The following DLGAP2 variants were observed in gnomAD, a reference collection of about 807,000 sequenced individuals.
DLGAP2 encodes DLG associated protein 2, also known as disks large-associated protein 2.
DLGAP2 carries 26 observed loss-of-function variants against 100.3 expected under a neutral mutation model. The ratio of observed to expected loss-of-function variants is 0.26; its 90% CI spans 0.19 to 0.36. The LOEUF (loss-of-function observed/expected upper bound fraction) is 0.36. Ranked by LOEUF, DLGAP2 falls within the 10% of genes least tolerant of loss-of-function variation. The pLI is 1.00. For synonymous variants in DLGAP2, 886 were observed against 630.1 expected, an observed-to-expected ratio of 1.41 and a Z score of -6.08; for missense variants, 1,858 against 1,453.2, an observed-to-expected ratio of 1.28 and a Z score of -4.53.
chr8:1,173,703 C>T (rs1056754161), intron 2 of DLGAP2, among the ~76,000 whole-genome samples: 26 of 152,194 alleles, frequency 1.7e-4, no homozygotes, highest in African/African-American at 5.8e-4. Context: ...GATATAATCT[C>T]CTGGTGCGCC....
intron 3 of DLGAP2, among the ~76,000 whole-genome samples, chr8:1,372,203 T>A (rs1229047558): frequency 6.6e-6 from 1 of 151,988 alleles, no homozygotes; most frequent in Non-Finnish European, 1.5e-5. Flanking sequence ...CAGGTCACCG[T>A]GCTGCCAACG....
chr8:851,104 G>A (rs548741940), intron 1 of DLGAP2, among the ~76,000 whole-genome samples: 73 of 152,328 alleles, frequency 4.8e-4, no homozygotes, highest in African/African-American at 1.8e-3. Flanking sequence ...TGCCATAGGT[G>A]TTTGCTGTTG....
At chr8:953,057 A>G (rs902328849) in intron 2 of DLGAP2, among the ~76,000 whole-genome samples, 2 of 152,248 alleles carry the variant, frequency 1.3e-5, no homozygotes, top group Admixed American at 1.3e-4. Context: ...CAAAATGCTG[A>G]CAGATCCTAT....
At chr8:1,518,325 G>C (rs1460095479) in intron 4 of DLGAP2, among the ~76,000 whole-genome samples, 3 of 152,138 alleles carry the variant, frequency 2.0e-5, no homozygotes, top group African/African-American at 7.2e-5. Flanking sequence ...GCTCTTATGG[G>C]TTTTGTTGTT....
At chr8:1,456,298 C>G (rs775664630) in intron 3 of DLGAP2, among the ~76,000 whole-genome samples, 5 of 152,196 alleles carry the variant, frequency 3.3e-5, no homozygotes, top group Non-Finnish European at 7.3e-5. Context: ...TCTACACACA[C>G]GCTTCTCCCA....
chr8:1,026,920 T>A (rs1431155265), intron 2 of DLGAP2, among the ~76,000 whole-genome samples: 1 of 152,256 alleles, frequency 6.6e-6, no homozygotes, highest in Non-Finnish European at 1.5e-5. Context: ...ACATTGGGAA[T>A]ATGTATCTTT....
intron 3 of DLGAP2, chr8:1,379,603 C>G (rs1391305919): frequency 6.6e-6 from 1 of 152,230 alleles, no homozygotes; most frequent in African/African-American, 2.4e-5. Flanking sequence ...AACCAGGTCC[C>G]TGGAAGTCTT....
At chr8:1,225,092 A>G (rs1479963573) in intron 2 of DLGAP2, among the ~76,000 whole-genome samples, 1 of 152,226 alleles carries the variant, frequency 6.6e-6, no homozygotes, top group African/African-American at 2.4e-5. Context: ...CTGTGTGCCC[A>G]AAAGAGCTGG....
At chr8:1,116,856 C>T (rs933360173) in intron 2 of DLGAP2, among the ~76,000 whole-genome samples, 1 of 152,032 alleles carries the variant, frequency 6.6e-6, no homozygotes, top group Non-Finnish European at 1.5e-5. Context: ...ACACGAAGAA[C>T]TGAATAAAAA....
chr8:1,281,379 T>C (rs1309961580), intron 3 of DLGAP2, among the ~76,000 whole-genome samples: 1 of 152,168 alleles, frequency 6.6e-6, no homozygotes, highest in Admixed American at 6.5e-5. Flanking sequence ...TGACCTTGAT[T>C]TGATTCCTAG....
intron 3 of DLGAP2, among the ~76,000 whole-genome samples, chr8:1,276,408 T>G (rs1799697942): frequency 6.6e-6 from 1 of 152,130 alleles, no homozygotes; most frequent in South Asian, 2.1e-4. Context: ...GGCCGCACGT[T>G]GGGAAACCCA....
chr8:779,459 C>A (rs996349735), intron 1 of DLGAP2, among the ~76,000 whole-genome samples: 2 of 138,322 alleles, frequency 1.4e-5, no homozygotes, highest in Non-Finnish European at 1.6e-5. Context: ...CTTTTCCCTT[C>A]TTTCTTTCTT....
At chr8:846,328 T>A (rs1797071071) in intron 1 of DLGAP2, among the ~76,000 whole-genome samples, 1 of 152,230 alleles carries the variant, frequency 6.6e-6, no homozygotes, top group Non-Finnish European at 1.5e-5. Flanking sequence ...ACCACAATTC[T>A]ACTCTCTACT....
At chr8:1,637,035 C>T (rs1797782857) in intron 8 of DLGAP2, among the ~76,000 whole-genome samples, 1 of 152,212 alleles carries the variant, frequency 6.6e-6, no homozygotes, top group South Asian at 2.1e-4. Flanking sequence ...AGGTGCACCC[C>T]AGAGGAGGAA....
In DLGAP2 at chr8:1,548,908, T is replaced by G; in HGVS notation, c.455T>G (p.Leu152Arg). 1.3e-6 allele frequency: 2 copies of G among 1,597,894 alleles called. No individual in the cohort carries two copies. Among genetic ancestry groups the G allele is most frequent in the South Asian group, 2.2e-5 (2 of 90,866 alleles). Residue 152 changes from leucine (L) to arginine (R), a missense_variant, in exon 5 of 15, where the codon CTG becomes CGG. Coordinates refer to ENST00000637795, the MANE Select transcript of DLGAP2 (RefSeq NM_001346810.2). ...HSECVMMPVV[L>R]GDHVSSSTFP... ...GAGTGCGTGATGATGCCGGTGGTGC[T>G]GGGCGACCACGTGTCCAGCAGCACC...
chr8:1,072,836 C>T (rs746738850), intron 2 of DLGAP2, among the ~76,000 whole-genome samples: 2 of 152,216 alleles, frequency 1.3e-5, no homozygotes, highest in East Asian at 3.8e-4. Context: ...TGTGGGGCTC[C>T]ACTGCCGGGA....
intron 1 of DLGAP2, among the ~76,000 whole-genome samples, chr8:842,767 G>T (rs769839085): frequency 2.5e-4 from 38 of 152,000 alleles, no homozygotes; most frequent in Non-Finnish European, 4.4e-4. Context: ...TTTTCTTAAT[G>T]CATCATTTGT....
At chr8:1,057,333 T>G (rs958757253) in intron 2 of DLGAP2, among the ~76,000 whole-genome samples, 3 of 152,084 alleles carry the variant, frequency 2.0e-5, no homozygotes, top group Non-Finnish European at 4.4e-5. Context: ...GAAACAGGAG[T>G]TTTAACACAG....
intron 2 of DLGAP2, among the ~76,000 whole-genome samples, chr8:1,192,310 T>C (rs1338132893): frequency 1.3e-5 from 2 of 152,222 alleles, no homozygotes; most frequent in East Asian, 1.9e-4. Context: ...GTGACAAAAG[T>C]ATATATTTAT....
Sources: allele counts gnomAD v4.1 joint callset (sites outside exome capture counted in the v4.1 genomes callset), GRCh38; gene constraint gnomAD v4.1.1; transcripts MANE v1.5; gene names NCBI Gene and HGNC (gene_info 2026-07-23, HGNC 2026-07-21).